SLC25A48: variants seen among roughly 807,000 people sequenced by gnomAD.
SLC25A48 encodes solute carrier family 25 member 48, also known as CTC-321K16.1.
Under a neutral mutation model 32.2 loss-of-function variants are expected in SLC25A48, and 29 were observed. That is an observed-to-expected ratio of 0.90 (90% CI 0.67 to 1.23). The LOEUF is 1.23. Ranked by LOEUF, SLC25A48 falls within the 50% of genes most tolerant of loss-of-function variation. SLC25A48 has a pLI of 0.00. For missense variants in SLC25A48, 399 were observed against 422.7 expected (o/e 0.94, Z 0.49); for synonymous variants, 164 against 172.3 (o/e 0.95, Z 0.38).
intron 3 of SLC25A48, among the ~76,000 whole-genome samples, chr5:135,732,715 G>A (rs983758060): frequency 9.2e-5 from 14 of 152,188 alleles, no homozygotes; most frequent in Admixed American, 6.5e-5. Flanking sequence ...GTGAGGCTGC[G>A]AGGAGATATT....
rs549095734 is a variant in SLC25A48, at chr5:135,755,326, G to A, written c.-520-57197G>A. Among the ~76,000 whole-genome samples, 39 of 152,100 alleles carry A rather than the reference G, an allele frequency of 2.6e-4. 1 individual carries two copies. In the South Asian group the frequency reaches 7.9e-3, roughly 31 times the overall value. ...ATCGCTGTAATAGTTATCATATTTA[G>A]TGTCAATGCACTATGGTATTAATGA... On this transcript the variant is annotated intron_variant, in intron 3 of 10. Transcript: ENST00000646290.
intron 2 of SLC25A48, among the ~76,000 whole-genome samples, chr5:135,847,123 T>C (rs1759487815): frequency 6.6e-6 from 1 of 152,154 alleles, no homozygotes; most frequent in Admixed American, 6.5e-5. Flanking sequence ...TCTGGACACC[T>C]CAGATTTGGA....
chr5:135,798,366 G>GTTC (rs1221700176), intron 3 of SLC25A48, among the ~76,000 whole-genome samples: 5 of 151,532 alleles, frequency 3.3e-5, no homozygotes, highest in Non-Finnish European at 7.4e-5. Flanking sequence ...GGGAGAGAAT[G>GTTC]TTCTTACTCC....
chr5:135,822,902 T>G lies in SLC25A48; in HGVS notation c.-117+9976T>G, dbSNP rs770611370. On this transcript the variant is annotated intron_variant, in intron 4 of 10. Coordinates refer to the SLC25A48 transcript ENST00000646290. Reference sequence around the variant, plus strand: ...CCTGAGAGAGAGGACCACAGAGCTCTGCAGAGTGTCTGGGAGTGGTAGAAA... The same window carrying G: ...CCTGAGAGAGAGGACCACAGAGCTCGGCAGAGTGTCTGGGAGTGGTAGAAA... Among the ~76,000 whole-genome samples the G allele has an allele frequency of 4.7e-4, 72 of 152,216 alleles. 1 individual carries two copies. Among genetic ancestry groups the G allele is most frequent in the Middle Eastern group, 3.4e-3 (1 of 294 alleles).
chr5:135,718,117 C>T (rs776016558), intron 3 of SLC25A48, among the ~76,000 whole-genome samples: 16 of 152,030 alleles, frequency 1.1e-4, no homozygotes, highest in African/African-American at 3.6e-4. Context: ...AAGCGACTCT[C>T]CTTCCTCAGC....
At chr5:135,802,955 A>G (rs1397006649) in intron 3 of SLC25A48, 1 of 151,484 alleles carries the variant, frequency 6.6e-6, no homozygotes, top group African/African-American at 2.4e-5. Flanking sequence ...AATATCCTAG[A>G]AAGATATTAC....
chr5:135,589,832 C>T (rs1456927972), intron 1 of SLC25A48, among the ~76,000 whole-genome samples: 1 of 152,042 alleles, frequency 6.6e-6, no homozygotes. Context: ...GTAGCTGGGA[C>T]TATAGGTGCC....
At chr5:135,849,575 G>A (rs1201188351) in intron 2 of SLC25A48, among the ~76,000 whole-genome samples, 8 of 152,182 alleles carry the variant, frequency 5.3e-5, no homozygotes, top group African/African-American at 1.9e-4. Context: ...CTATGCCAGG[G>A]TTGTGCCCAG....
rs375988919 is a variant in SLC25A48 at position 135,629,033 on chromosome 5, C to T, written c.-848-204C>T. ...TTAATTTCCAGAATTAGGCTACAGT[C>T]CCTTTTCATAAATTCCCCAGCAGTT... On this transcript the variant is annotated intron_variant, in intron 1 of 10. Coordinates refer to the SLC25A48 transcript ENST00000646290. The surrounding 1 kb of genome is among the most constrained non-coding windows in gnomAD (Gnocchi z 4.8). 9.1e-4 allele frequency among the ~76,000 whole-genome samples: 138 copies of T among 152,268 alleles called. 1 individual carries two copies. In the South Asian group the frequency reaches 0.014, roughly 15 times the overall value.
At chr5:135,839,700 T>C (rs886438911) in intron 1 of SLC25A48, among the ~76,000 whole-genome samples, 2 of 152,132 alleles carry the variant, frequency 1.3e-5, no homozygotes, top group African/African-American at 2.4e-5. Context: ...CCAAATCTCG[T>C]CTTGAATTAT....
chr5:135,603,213 C>T (rs1751842886), intron 1 of SLC25A48, among the ~76,000 whole-genome samples: 2 of 152,198 alleles, frequency 1.3e-5, no homozygotes, highest in African/African-American at 4.8e-5. Context: ...GTCATACATT[C>T]ATCTGGTTCC....
At chr5:135,745,065 C>T (rs1308930574) in intron 3 of SLC25A48, among the ~76,000 whole-genome samples, 1 of 152,146 alleles carries the variant, frequency 6.6e-6, no homozygotes, top group African/African-American at 2.4e-5. Flanking sequence ...CCTAACCCAG[C>T]AGTGCTAGAG....
intron 3 of SLC25A48, among the ~76,000 whole-genome samples, chr5:135,635,247 G>A (rs1752671891): frequency 6.6e-6 from 1 of 152,214 alleles, no homozygotes; most frequent in Admixed American, 6.5e-5. Flanking sequence ...CACAGATCAG[G>A]AAATCATCTC....
chr5:135,719,221 C>T (rs539249959), intron 3 of SLC25A48, among the ~76,000 whole-genome samples: 5 of 152,262 alleles, frequency 3.3e-5, no homozygotes, highest in Admixed American at 6.5e-5. Context: ...GAAGAGCCTG[C>T]GTTTACATTT....
At chr5:135,765,740 C>T (rs971295072) in intron 3 of SLC25A48, among the ~76,000 whole-genome samples, 6 of 150,960 alleles carry the variant, frequency 4.0e-5, no homozygotes, top group African/African-American at 1.5e-4. Context: ...GGGTGTACAC[C>T]TACCTGTGAT....
intron 3 of SLC25A48, among the ~76,000 whole-genome samples, chr5:135,686,827 G>A (rs920125886): frequency 6.6e-6 from 1 of 152,228 alleles, no homozygotes; most frequent in African/African-American, 2.4e-5. Context: ...TGGATGGAAG[G>A]ATGAATAGAT....
chr5:135,692,984 C>A (rs1164006740), intron 3 of SLC25A48, among the ~76,000 whole-genome samples: 1 of 152,152 alleles, frequency 6.6e-6, no homozygotes, highest in Middle Eastern at 3.2e-3. Context: ...AACCTTAATA[C>A]CAGTTAAGAT....
At chr5:135,756,409 G>T (rs1755906253) in intron 3 of SLC25A48, among the ~76,000 whole-genome samples, 1 of 151,958 alleles carries the variant, frequency 6.6e-6, no homozygotes, top group African/African-American at 2.4e-5. Flanking sequence ...TATCGACCTT[G>T]TGTGGTGGCT....
Position 135,664,809 on chromosome 5 carries a change from T to A in SLC25A48, c.-521+29853T>A, listed in dbSNP as rs566861796. On this transcript the variant is annotated intron_variant, in intron 3 of 10. Transcript: ENST00000646290. ...ATGGTGTATATAAACCACATTTTTT[T>A]AATCCACTCATTGGTCGATGGGTGC... 6.6e-5 allele frequency among the ~76,000 whole-genome samples: 10 copies of A among 152,364 alleles called. No individual in the cohort carries two copies. In the South Asian group the frequency reaches 1.4e-3, roughly 22 times the overall value.
Sources: allele counts gnomAD v4.1 joint callset (sites outside exome capture counted in the v4.1 genomes callset), GRCh38; gene constraint gnomAD v4.1.1; non-coding constraint Gnocchi (gnomAD v3.1); transcripts MANE v1.5; gene names NCBI Gene and HGNC (gene_info 2026-07-23, HGNC 2026-07-21).